Variants in STIM1 observed in about 807,000 individuals in gnomAD.
STIM1 encodes the protein stromal interaction molecule 1.
In STIM1, 25 loss-of-function variants were observed where a neutral mutation model predicts 74.7. That is an observed-to-expected ratio of 0.33 (90% CI 0.24 to 0.47). The LOEUF (loss-of-function observed/expected upper bound fraction) is 0.47, where lower values mean the gene tolerates loss of function less well. Ranked by LOEUF, STIM1 falls within the 20% of genes least tolerant of loss-of-function variation. STIM1 has a pLI of 1.00. For synonymous variants in STIM1, 328 were observed against 348.8 expected, an observed-to-expected ratio of 0.94 and a Z score of 0.66; for missense variants, 728 against 920.8, an observed-to-expected ratio of 0.79 and a Z score of 2.71.
At chr11:4,060,801 T>C (rs1049964775) in intron 5 of STIM1, among the ~76,000 whole-genome samples, 2 of 152,218 alleles carry the variant, frequency 1.3e-5, no homozygotes, top group Non-Finnish European at 2.9e-5. Flanking sequence ...TAGTAAGTGT[T>C]ATAGCTATTA....
chr11:4,005,616 T>C (rs902969649), intron 2 of STIM1, among the ~76,000 whole-genome samples: 3 of 151,524 alleles, frequency 2.0e-5, no homozygotes, highest in African/African-American at 7.3e-5. Context: ...CTTTAGGAGA[T>C]ATACCTAATG....
At chr11:4,040,051 AAGCCACCGTGCTC>A (rs141617223) in intron 3 of STIM1, among the ~76,000 whole-genome samples, 40,022 of 151,970 alleles carry the variant, frequency 0.26, 6,234 homozygotes, top group South Asian at 0.46. Context: ...TTACAGGTGT[AAGCCACCGTGCTC>A]AGCCCTGATG....
intron 3 of STIM1, among the ~76,000 whole-genome samples, chr11:4,033,070 A>G (rs2094065520): frequency 6.6e-6 from 1 of 152,024 alleles, no homozygotes; most frequent in Non-Finnish European, 1.5e-5. Flanking sequence ...TCGGCTTTCT[A>G]CATATGGCTA....
chr11:3,982,227 A>C, intron 2 of STIM1, among the ~76,000 whole-genome samples: 1 of 151,504 alleles, frequency 6.6e-6, no homozygotes, highest in East Asian at 1.9e-4. Flanking sequence ...GGGTTTCGCC[A>C]TGTTACCCAG....
rs115926989 is a variant in STIM1 at position 3,869,403 on chromosome 11, A to T, written c.139+12994A>T. ...GTTCAGTGCCCTGTGATTGATACTG[A>T]TAGTCTTGTTGGCAGTTGTGATCTT... On this transcript the variant is annotated intron_variant, in intron 1 of 12. Transcript: ENST00000526596. Among the ~76,000 whole-genome samples the T allele has an allele frequency of 9.5e-3, 1,446 of 152,248 alleles. 24 individuals carry two copies. The highest frequency in any genetic ancestry group is 0.03 in the African/African-American group (1,235 of 41,546).
At chr11:3,963,482 G>T (rs1268005811) in intron 1 of STIM1, among the ~76,000 whole-genome samples, 1 of 152,018 alleles carries the variant, frequency 6.6e-6, no homozygotes, top group Non-Finnish European at 1.5e-5. Flanking sequence ...ACAGTTCTTT[G>T]TAATTAAAAG....
chr11:3,885,801 C>G (rs1004611820), intron 1 of STIM1, among the ~76,000 whole-genome samples: 1 of 152,056 alleles, frequency 6.6e-6, no homozygotes, highest in Non-Finnish European at 1.5e-5. Context: ...CCACACCTGG[C>G]TAATTTCTCT....
In STIM1 at chr11:4,086,225, C is replaced by T. The variant is rs1413280949; in HGVS notation, c.1568-252C>T. ...ACCCACTAACTGCCTTGCCACTTCC[C>T]TTTATAGTGATATTGCCCATAGGTC... On this transcript the variant is annotated intron_variant, in intron 11 of 12. Transcript: ENST00000526596. 1.8e-5 allele frequency: 10 copies of T among 561,492 alleles called. No homozygotes were observed. The East Asian group carries it at 2.8e-4, about 16-fold the overall frequency. The allele number at this position is 561,492 out of a possible 1,614,324, so 34.8% of individuals were successfully genotyped here.
intron 8 of STIM1, 41 bp downstream of exon 8, chr11:4,082,392 C>T: frequency 1.3e-6 from 2 of 1,566,742 alleles, no homozygotes; most frequent in South Asian, 1.2e-5. Flanking sequence ...CTCCTTTTTG[C>T]CCTTCTCCTT....
chr11:3,991,981 A>T (rs1380385982), intron 2 of STIM1, among the ~76,000 whole-genome samples: 2 of 149,792 alleles, frequency 1.3e-5, no homozygotes, highest in Non-Finnish European at 3.0e-5. Flanking sequence ...AAGAAAAAAA[A>T]AAAAAATCTC....
At chr11:3,892,341 A>G (rs1394213622) in intron 1 of STIM1, 4 of 1,098,204 alleles carry the variant, frequency 3.6e-6, no homozygotes, top group African/African-American at 3.0e-5. Context: ...TGCTCTCCTG[A>G]CCTACAGAAG....
intron 2 of STIM1, among the ~76,000 whole-genome samples, chr11:4,000,806 C>T (rs1449163562): frequency 1.3e-5 from 2 of 152,108 alleles, no homozygotes; most frequent in African/African-American, 2.4e-5. Flanking sequence ...GGAGGAAATT[C>T]AAACCAAAGG....
chr11:4,017,735 A>G (rs1203167193), intron 2 of STIM1, among the ~76,000 whole-genome samples: 1 of 152,176 alleles, frequency 6.6e-6, no homozygotes, highest in Non-Finnish European at 1.5e-5. Flanking sequence ...AATCAAACCT[A>G]AAAAATCATG....
chr11:3,893,511 A>G (rs2091959224), intron 1 of STIM1, among the ~76,000 whole-genome samples: 1 of 152,222 alleles, frequency 6.6e-6, no homozygotes, highest in African/African-American at 2.4e-5. Context: ...CTTGGACACA[A>G]GTACACAGCC....
intron 1 of STIM1, chr11:3,892,448 G>A: frequency 6.7e-7 from 1 of 1,483,720 alleles, no homozygotes; most frequent in Non-Finnish European, 9.4e-7. Context: ...GCCATTCCTG[G>A]ACCCAAAGTG....
intron 1 of STIM1, among the ~76,000 whole-genome samples, chr11:3,877,170 A>AG (rs1466703546): frequency 6.6e-6 from 1 of 152,164 alleles, no homozygotes. Flanking sequence ...GGGAAAAAGC[A>AG]GTTAGAGCTA....
At chr11:4,008,340 G>A (rs1244459872) in intron 2 of STIM1, among the ~76,000 whole-genome samples, 1 of 152,048 alleles carries the variant, frequency 6.6e-6, no homozygotes, top group East Asian at 1.9e-4. Flanking sequence ...TTCTTAGAAT[G>A]TATCCCCATC....
intron 3 of STIM1, among the ~76,000 whole-genome samples, chr11:4,045,051 C>A (rs1425793290): frequency 1.3e-5 from 2 of 152,128 alleles, no homozygotes; most frequent in Non-Finnish European, 2.9e-5. Context: ...CTGCCTGTCA[C>A]CACTGTGGTG....
At chr11:3,926,330 A>G (rs909317380) in intron 1 of STIM1, among the ~76,000 whole-genome samples, 1 of 152,248 alleles carries the variant, frequency 6.6e-6, no homozygotes, top group Non-Finnish European at 1.5e-5. Flanking sequence ...AATACATGAC[A>G]TACAGACCCA....
Sources: allele counts gnomAD v4.1 joint callset (sites outside exome capture counted in the v4.1 genomes callset), GRCh38; gene constraint gnomAD v4.1.1; transcripts MANE v1.5; gene names NCBI Gene and HGNC (gene_info 2026-07-23, HGNC 2026-07-21).